The following CACNG3 variants were observed in gnomAD, a reference collection of about 807,000 sequenced individuals.
CACNG3 encodes the protein voltage-dependent calcium channel gamma-3 subunit.
Under a neutral mutation model 28.5 loss-of-function variants are expected in CACNG3, and 3 were observed. The observed-to-expected ratio is 0.11, with a 90% CI of 0.05 to 0.27. The LOEUF (loss-of-function observed/expected upper bound fraction) is 0.27, where lower values mean the gene tolerates loss of function less well. CACNG3 is among the 10% of genes least tolerant of loss of function. The pLI, the probability that CACNG3 is intolerant of heterozygous loss-of-function variation, is 1.00. For missense variants in CACNG3, 236 were observed against 414.4 expected (o/e 0.57, Z 3.74); for synonymous variants, 174 against 162.2 (o/e 1.07, Z -0.55).
chr16:24,287,514 C>G (rs80324503), intron 1 of CACNG3, among the ~76,000 whole-genome samples: 1 of 31,296 alleles, frequency 3.2e-5, no homozygotes, highest in African/African-American at 1.1e-4. Context: ...CGAGACTCTC[C>G]AAAAAAAAAA....
At chr16:24,317,642 GAAAAGA>G (rs1342281438) in intron 1 of CACNG3, among the ~76,000 whole-genome samples, 1,288 of 33,670 alleles carry the variant, frequency 0.038, 91 homozygotes, top group African/African-American at 0.12. Context: ...CAGAAAGAAA[GAAAAGA>G]AAAGAAAGAA....
chr16:24,274,891 G>GT (rs1898734166), intron 1 of CACNG3, among the ~76,000 whole-genome samples: 1 of 152,188 alleles, frequency 6.6e-6, no homozygotes, highest in African/African-American at 2.4e-5. Context: ...TCTCGAGACA[G>GT]TAAGTGGTAG....
intron 1 of CACNG3, among the ~76,000 whole-genome samples, chr16:24,329,871 T>TA (rs1418505986): frequency 1.3e-5 from 2 of 151,826 alleles, no homozygotes; most frequent in African/African-American, 4.8e-5. Flanking sequence ...CTGTCTCTAC[T>TA]AAAAAAATAC....
At chr16:24,326,296 C>T (rs1899542160) in intron 1 of CACNG3, among the ~76,000 whole-genome samples, 1 of 152,032 alleles carries the variant, frequency 6.6e-6, no homozygotes, top group Admixed American at 6.6e-5. Context: ...CTCAGCCTCC[C>T]GAGTAGCTGG....
At chr16:24,281,269 C>T (rs1003875977) in intron 1 of CACNG3, among the ~76,000 whole-genome samples, 2 of 152,116 alleles carry the variant, frequency 1.3e-5, no homozygotes, top group East Asian at 1.9e-4. Flanking sequence ...AATCTCAGCT[C>T]GCTGTAATCT....
rs549447203 is a variant in CACNG3, at chr16:24,274,630, A to G, written c.211+17665A>G. On this transcript the variant is annotated intron_variant, in intron 1 of 3. Transcript: ENST00000005284. ...CCTACCATGGAACAAGATTTATGGCATATGATGACAAATCTTGGGCCTGAC... is the reference window on the plus strand; with the variant it reads ...CCTACCATGGAACAAGATTTATGGCGTATGATGACAAATCTTGGGCCTGAC... Among the ~76,000 whole-genome samples, 3 of 152,292 alleles carry G rather than the reference A, an allele frequency of 2.0e-5. No individual in the cohort carries two copies. The East Asian group carries it at 5.8e-4, about 29-fold the overall frequency.
chr16:24,264,132 A>T (rs908019695), intron 1 of CACNG3, among the ~76,000 whole-genome samples: 2 of 152,212 alleles, frequency 1.3e-5, no homozygotes, highest in Non-Finnish European at 2.9e-5. Context: ...TTGTGTTCAT[A>T]TCTCACCTGG....
intron 1 of CACNG3, among the ~76,000 whole-genome samples, chr16:24,298,566 C>T (rs997655639): frequency 2.0e-5 from 3 of 152,042 alleles, no homozygotes; most frequent in Non-Finnish European, 4.4e-5. Context: ...GAGTTCCTGC[C>T]CACATCCAGT....
chr16:24,332,927 C>G (rs1245345829), intron 1 of CACNG3, among the ~76,000 whole-genome samples: 4 of 152,040 alleles, frequency 2.6e-5, no homozygotes, highest in Non-Finnish European at 5.9e-5. Context: ...ATGTGTTAAC[C>G]ACGGGTAGAC....
chr16:24,277,972 C>A (rs910474972), intron 1 of CACNG3, among the ~76,000 whole-genome samples: 2 of 152,146 alleles, frequency 1.3e-5, no homozygotes, highest in Non-Finnish European at 2.9e-5. Flanking sequence ...GCCTTGGACT[C>A]CCAAAGTGCT....
chr16:24,347,180 T>G (rs1244124931), intron 2 of CACNG3, among the ~76,000 whole-genome samples: 1 of 152,056 alleles, frequency 6.6e-6, no homozygotes, highest in Non-Finnish European at 1.5e-5. Context: ...TAGCTGCATG[T>G]GGTGGCACAC....
chr16:24,261,039 T>C (rs74707451), intron 1 of CACNG3, among the ~76,000 whole-genome samples: 12 of 152,210 alleles, frequency 7.9e-5, no homozygotes, highest in African/African-American at 2.7e-4. Context: ...GTTCATCCCA[T>C]TTCCATAACA....
chr16:24,311,115 A>G (rs561829433), intron 1 of CACNG3, among the ~76,000 whole-genome samples: 1 of 152,246 alleles, frequency 6.6e-6, no homozygotes, highest in South Asian at 2.1e-4. Flanking sequence ...AGATAGATCC[A>G]AGGCAATTTA....
In CACNG3 at chr16:24,298,283, A is replaced by T. The variant is rs1283585526; in HGVS notation, c.211+41318A>T. Among the ~76,000 whole-genome samples the T allele has an allele frequency of 2.6e-5, 4 of 152,118 alleles. No homozygotes were observed. The South Asian group carries it at 8.3e-4, about 32-fold the overall frequency. ...ACCATGATCATCCTTTCTATATCAG[A>T]TATTTTACTCCATCACTTAATGACT... On this transcript the variant is annotated intron_variant, in intron 1 of 3. Transcript: ENST00000005284.
chr16:24,284,949 C>T (rs1429197286), intron 1 of CACNG3, among the ~76,000 whole-genome samples: 2 of 149,118 alleles, frequency 1.3e-5, no homozygotes, highest in Non-Finnish European at 3.0e-5. Context: ...AAGAATTAGC[C>T]AAACATCTAG....
chr16:24,276,526 C>G (rs576268475), intron 1 of CACNG3, among the ~76,000 whole-genome samples: 14 of 152,326 alleles, frequency 9.2e-5, no homozygotes, highest in African/African-American at 2.9e-4. Context: ...TCCATACTTT[C>G]ATCAGAAGAT....
At chr16:24,359,320 A>T (rs1900076342) in intron 3 of CACNG3, among the ~76,000 whole-genome samples, 1 of 151,706 alleles carries the variant, frequency 6.6e-6, no homozygotes, top group African/African-American at 2.4e-5. Flanking sequence ...TGTCTTCCCT[A>T]CTCATCTTCA....
At chr16:24,342,530 G>A (rs954678217) in intron 1 of CACNG3, among the ~76,000 whole-genome samples, 2 of 152,040 alleles carry the variant, frequency 1.3e-5, no homozygotes, top group Admixed American at 6.6e-5. Flanking sequence ...TCTTTAAACC[G>A]GGGACCAGCA....
At chr16:24,350,316 CTTT>C (rs111389260) in intron 2 of CACNG3, among the ~76,000 whole-genome samples, 3 of 143,006 alleles carry the variant, frequency 2.1e-5, no homozygotes, top group African/African-American at 5.1e-5. Context: ...CAAACATAAA[CTTT>C]TTTTTTTTTT....
Sources: allele counts gnomAD v4.1 joint callset (sites outside exome capture counted in the v4.1 genomes callset), GRCh38; gene constraint gnomAD v4.1.1; transcripts MANE v1.5; gene names NCBI Gene and HGNC (gene_info 2026-07-23, HGNC 2026-07-21).